CHADL: variants seen among roughly 807,000 people sequenced by gnomAD.
The protein encoded by CHADL is chondroadherin-like protein.
A neutral mutation model predicts 52.1 loss-of-function variants in CHADL; 48 were observed. The ratio of observed to expected loss-of-function variants is 0.92; its 90% CI spans 0.73 to 1.17. The LOEUF (loss-of-function observed/expected upper bound fraction) is 1.17, where lower values mean the gene tolerates loss of function less well. Among genes scored for constraint, CHADL ranks in the 50% most tolerant of loss-of-function variants. CHADL has a pLI of 0.00. For missense variants in CHADL, 977 were observed against 1,035.1 expected (o/e 0.94, Z 0.77); for synonymous variants, 498 against 511.2 (o/e 0.97, Z 0.35).
At chr22:41,232,067 T>C (rs1003791504) in intron 5 of CHADL, among the ~76,000 whole-genome samples, 1 of 152,004 alleles carries the variant, frequency 6.6e-6, no homozygotes. Context: ...GCGCGGTGGC[T>C]CACGCCTGTA....
In CHADL at chr22:41,238,592, C is replaced by A; in HGVS notation, c.480G>T (p.Leu160=). The stretch of plus-strand genomic sequence containing the variant: ...CGTTGTGGGCCAGGTTTAGCGTGGC[C>A]AGCGCACCCAGTGCCCCGAACGTCC... ...RPGTFGALGA[L]ATLNLAHNAL... is the part of the protein sequence containing the mutation. Residue 160 remains leucine (L), a synonymous_variant, in exon 3 of 6, where the codon CTG becomes CTT. Transcript: ENST00000216241. The surrounding 1 kb of genome is among the most constrained non-coding windows in gnomAD (Gnocchi z 4.9). 1 of 1,545,478 alleles carries A rather than the reference C, an allele frequency of 6.5e-7. No homozygotes were observed. Among genetic ancestry groups the A allele is most frequent in the Middle Eastern group, 1.7e-4 (1 of 5,960 alleles).
At position 41,239,510 on chromosome 22, in the gene CHADL, T is replaced by C; in HGVS notation, c.119A>G (p.Asp40Gly). The C allele has an allele frequency of 6.4e-7, 1 of 1,550,534 alleles. No individual in the cohort carries two copies. Among genetic ancestry groups the C allele is most frequent in the Non-Finnish European group, 8.7e-7 (1 of 1,146,826 alleles). Reference sequence around the variant, plus strand: ...GCAGGCAACGTGTCGCCTGGAGTTGTCACAGATGCAGGCCTGTGGGCAGCG... The same window carrying C: ...GCAGGCAACGTGTCGCCTGGAGTTGCCACAGATGCAGGCCTGTGGGCAGCG... Reference protein sequence around the residue: ...AQRCPQACICDNSRRHVACRY... With the variant: ...AQRCPQACICGNSRRHVACRY... Residue 40 changes from aspartate to glycine, a missense_variant, in exon 2 of 6, where the codon GAC (aspartate) becomes GGC (glycine). Asp to Gly is a moderately conservative substitution (Grantham distance 94). Coordinates refer to ENST00000216241, the MANE Select transcript of CHADL (RefSeq NM_138481.2).
intron 5 of CHADL, among the ~76,000 whole-genome samples, chr22:41,234,200 T>C (rs1044911013): frequency 2.0e-5 from 3 of 151,944 alleles, no homozygotes; most frequent in Admixed American, 6.6e-5. Flanking sequence ...CCAGCAAATA[T>C]AGAAACAGCA....
Position 41,237,950 on chromosome 22 carries a change from G to A in CHADL, c.1122C>T (p.Ala374=). Residue 374 remains alanine (A), a synonymous_variant, in exon 3 of 6, where the codon GCC becomes GCT. Transcript: ENST00000216241. ...GGCCGCGCGGAGGGGCGCGGGGCCCGGCCACAGCCCGCTCTTCCAGCTCTT... is the reference window on the plus strand; with the variant it reads ...GGCCGCGCGGAGGGGCGCGGGGCCCAGCCACAGCCCGCTCTTCCAGCTCTT... ...EEEELEERAV[A]GPRAPPRGPP... is the part of the protein sequence containing the mutation. 1 of 1,264,074 alleles carries A rather than the reference G, an allele frequency of 7.9e-7. No homozygotes were observed. Among genetic ancestry groups the A allele is most frequent in the Non-Finnish European group, 9.9e-7 (1 of 1,010,064 alleles). 78.3% of individuals were successfully genotyped at this position (1,264,074 alleles called of 1,614,324 possible). A position where few individuals can be genotyped will look rare whatever the true frequency, so the allele number is the denominator to read the frequency against.
chr22:41,236,694 T>C, intron 3 of CHADL, 44 bp from the exon 4 acceptor site: 1 of 1,510,936 alleles, frequency 6.6e-7, no homozygotes, highest in Non-Finnish European at 8.9e-7. Flanking sequence ...CTGGCAGAGC[T>C]GTCCCACCCC....
intron 3 of CHADL, 142 bp downstream of exon 3, chr22:41,237,034 C>T (rs2032755272): frequency 4.7e-6 from 4 of 847,206 alleles, no homozygotes; most frequent in East Asian, 2.7e-5. Flanking sequence ...CCGGTAGGGG[C>T]AGTCCTGGTT....
At position 41,229,655 on chromosome 22, in the gene CHADL, GAGTA is replaced by G; in HGVS notation, c.*45_*48del. 6.2e-7 allele frequency: 1 copy of G among 1,613,428 alleles called. No homozygotes were observed. The highest frequency in any genetic ancestry group is 8.5e-7 in the Non-Finnish European group (1 of 1,180,016). On this transcript the variant is annotated 3_prime_UTR_variant, in exon 6 of 6. Transcript: ENST00000216241. Reference sequence around the variant, plus strand: ...TCTCGTCGGAGCCTGTTCCTGGCGAGAGTAAGAGCCACCGGGCTGGGTCAAGGCA... The same window carrying G: ...TCTCGTCGGAGCCTGTTCCTGGCGAGAGAGCCACCGGGCTGGGTCAAGGCA...
intron 5 of CHADL, among the ~76,000 whole-genome samples, chr22:41,232,054 CG>C (rs1396038810): frequency 6.6e-6 from 1 of 152,130 alleles, no homozygotes; most frequent in Non-Finnish European, 1.5e-5. Context: ...CACCTGTTGC[CG>C]GGCGCGGTGG....
chr22:41,237,912 G>A lies in CHADL; in HGVS notation c.1160C>T (p.Pro387Leu), dbSNP rs2032777550. The A allele has an allele frequency of 7.7e-7, 1 of 1,296,820 alleles. No individual in the cohort carries two copies. The highest frequency in any genetic ancestry group is 2.5e-5 in the South Asian group (1 of 40,132). The allele number at this position is 1,296,820 out of a possible 1,614,324, so 80.3% of individuals were successfully genotyped here. Residue 387 changes from proline to leucine, a missense_variant, in exon 3 of 6, where the codon CCC (proline) becomes CTC (leucine). Physicochemically the swap from Pro to Leu is moderately conservative, Grantham distance 98. Coordinates refer to ENST00000216241, the MANE Select transcript of CHADL (RefSeq NM_138481.2). ...AGGCGCGACTGCCCGCTCCTCCCCG[G>A]GGCCGCGCGGAGGGCCGCGCGGAGG... ...RAPPRGPPRG[P>L]GEERAVAPCP...
rs183319664 is a variant in CHADL, at chr22:41,238,713, T to C, written c.359A>G (p.Asn120Ser). 1.1e-4 allele frequency: 167 copies of C among 1,547,828 alleles called. No homozygotes were observed. Among genetic ancestry groups the C allele is most frequent in the Middle Eastern group, 1.7e-4 (1 of 5,956 alleles). ...CTCCTGGGGCAGCTCACGCAGGTGG[T>C]TGGAGGCCAGGTTGAGCAGGAGCAG... ...GRLLLLNLAS[N>S]HLRELPQEAL... The change falls in exon 3 of 6, where the codon AAC (asparagine) becomes AGC (serine). Residue 120 changes from asparagine to serine, a missense_variant. Asn to Ser is a conservative substitution (Grantham distance 46). Coordinates refer to ENST00000216241, the MANE Select transcript of CHADL (RefSeq NM_138481.2). This position sits in a 1 kb window ranked among gnomAD's most constrained non-coding sequence, Gnocchi z 4.9.
At chr22:41,239,928 C>T (rs866258029) in intron 1 of CHADL, among the ~76,000 whole-genome samples, 2 of 152,176 alleles carry the variant, frequency 1.3e-5, no homozygotes, top group Admixed American at 1.3e-4. Flanking sequence ...CAGTTCAGAG[C>T]ATGTTCTCAG....
intron 5 of CHADL, chr22:41,230,117 C>A: frequency 1.6e-6 from 2 of 1,222,342 alleles, no homozygotes; most frequent in South Asian, 1.2e-5. Context: ...CGCCCACCCA[C>A]CCGCCTCCCC....
rs1326419252 is a variant in CHADL at position 41,237,567 on chromosome 22, A to T, written c.1505T>A (p.Leu502Gln). 7 of 1,550,480 alleles carry T rather than the reference A, an allele frequency of 4.5e-6. No individual in the cohort carries two copies. In the East Asian group the frequency reaches 1.2e-4, roughly 27 times the overall value. ...CAGGAAACGGTTGCGTTCTAGGTAC[A>T]GGTAGCCGAGGCGGGGAGCCCCTTC... Reference protein sequence around the residue: ...ALEGAPRLGYLYLERNRFLQV... With the variant: ...ALEGAPRLGYQYLERNRFLQV... The change falls in exon 3 of 6, where the codon CTG (leucine) becomes CAG (glutamine). Residue 502 changes from leucine (L) to glutamine (Q), a missense_variant. Transcript: ENST00000216241.
intron 5 of CHADL, among the ~76,000 whole-genome samples, chr22:41,231,825 A>G (rs1009740593): frequency 6.6e-6 from 1 of 151,084 alleles, no homozygotes; most frequent in African/African-American, 2.5e-5. Flanking sequence ...CCCTTCAGGA[A>G]CCTGCCCTGC....
chr22:41,238,702 C>T lies in CHADL; in HGVS notation c.370G>A (p.Glu124Lys). The T allele has an allele frequency of 6.5e-7, 1 of 1,547,224 alleles. No individual in the cohort carries two copies. Residue 124 changes from glutamate to lysine, a missense_variant, in exon 3 of 6, where the codon GAG becomes AAG. Physicochemically the swap from Glu to Lys is moderately conservative, Grantham distance 56. Transcript: ENST00000216241. The surrounding 1 kb of genome is among the most constrained non-coding windows in gnomAD (Gnocchi z 4.9). ...LLNLASNHLRELPQEALDGLG... is the reference protein window; with the variant it reads ...LLNLASNHLRKLPQEALDGLG... ...CCGTCCAGCGCCTCCTGGGGCAGCTCACGCAGGTGGTTGGAGGCCAGGTTG... is the reference window on the plus strand; with the variant it reads ...CCGTCCAGCGCCTCCTGGGGCAGCTTACGCAGGTGGTTGGAGGCCAGGTTG...
At chr22:41,233,609 A>G (rs2032678592) in intron 5 of CHADL, among the ~76,000 whole-genome samples, 1 of 152,192 alleles carries the variant, frequency 6.6e-6, no homozygotes, top group Non-Finnish European at 1.5e-5. Flanking sequence ...AAGCTGGAAG[A>G]GGCAAGGGGG....
chr22:41,240,299 C>T (rs1295794340), intron 1 of CHADL, among the ~76,000 whole-genome samples: 3 of 152,168 alleles, frequency 2.0e-5, no homozygotes, highest in African/African-American at 4.8e-5. Flanking sequence ...CTATGTTGCC[C>T]GGGCTGGTCT....
rs953831791 is a variant in CHADL, at chr22:41,237,878, G to T, written c.1194C>A (p.Arg398=). The change falls in exon 3 of 6, where the codon CGC becomes CGA. Residue 398 remains arginine (R), a synonymous_variant. Coordinates refer to ENST00000216241, the MANE Select transcript of CHADL (RefSeq NM_138481.2). ...GEERAVAPCP[R]ACVCVPESRH... ...GGGACTCGGGGACGCACACGCAGGC[G>T]CGAGGGCAAGGCGCGACTGCCCGCT... 1 of 1,390,270 alleles carries T rather than the reference G, an allele frequency of 7.2e-7. No homozygotes were observed. 86.1% of individuals were successfully genotyped at this position (1,390,270 alleles called of 1,614,324 possible). A position where few individuals can be genotyped will look rare whatever the true frequency, so the allele number is the denominator to read the frequency against.
chr22:41,238,947 G>T lies in CHADL; in HGVS notation c.187-62C>A. 1 of 1,466,818 alleles carries T rather than the reference G, an allele frequency of 6.8e-7. No homozygotes were observed. The highest frequency in any genetic ancestry group is 2.5e-5 in the East Asian group (1 of 40,078). The allele number at this position is 1,466,818 out of a possible 1,614,324, so 90.9% of individuals were successfully genotyped here. A position where few individuals can be genotyped will look rare whatever the true frequency, so the allele number is the denominator to read the frequency against. ...CAGGGACCCCGCCTTTGCAAGTGCT[G>T]CTTCTTCCCCGGAACACTCTTTTCT... On this transcript the variant is annotated intron_variant, in intron 2 of 5. Coordinates refer to ENST00000216241, the MANE Select transcript of CHADL (RefSeq NM_138481.2). The surrounding 1 kb of genome is among the most constrained non-coding windows in gnomAD (Gnocchi z 4.9).
Sources: allele counts gnomAD v4.1 joint callset (sites outside exome capture counted in the v4.1 genomes callset), GRCh38; gene constraint gnomAD v4.1.1; non-coding constraint Gnocchi (gnomAD v3.1); transcripts MANE v1.5; gene names NCBI Gene and HGNC (gene_info 2026-07-23, HGNC 2026-07-21).